Variants in ZNF518B observed in about 807,000 individuals in gnomAD.
The protein encoded by ZNF518B is zinc finger protein 518B.
In ZNF518B, 23 loss-of-function variants were observed where a neutral mutation model predicts 56.3. That is an observed-to-expected ratio of 0.41 (90% CI 0.29 to 0.58). The LOEUF (loss-of-function observed/expected upper bound fraction) is 0.58, where lower values mean the gene tolerates loss of function less well. Among genes scored for constraint, ZNF518B ranks in the 20% least tolerant of loss-of-function variants. ZNF518B has a pLI of 0.32. For synonymous variants in ZNF518B, 529 were observed against 465.9 expected (o/e 1.14, Z -1.74); for missense variants, 1,460 against 1,272.1 (o/e 1.15, Z -2.25).
upstream of ZNF518B, among the ~76,000 whole-genome samples, chr4:10,460,325 C>CAGAAAAAAAAAAA (rs1715707602): frequency 1.7e-5 from 1 of 57,588 alleles, no homozygotes; most frequent in Admixed American, 2.3e-4. Flanking sequence ...AAAAAAAAAC[C>CAGAAAAAAAAAAA]AAAAAAAAAA....
In ZNF518B at chr4:10,446,189, C is replaced by T. The variant is rs777934406; in HGVS notation, c.140G>A (p.Gly47Asp). The change falls in exon 3 of 3, where the codon GGC becomes GAC. Residue 47 changes from glycine (G) to aspartate (D), a missense_variant. Gly to Asp is a moderately conservative substitution (Grantham distance 94). Transcript: ENST00000326756. ...RQEAQTLLYQGSEAEAAMMTI... is the reference protein window; with the variant it reads ...RQEAQTLLYQDSEAEAAMMTI... The stretch of plus-strand genomic sequence containing the variant: ...CATCATGGCAGCCTCTGCCTCTGAG[C>T]CTTGATACAAAAGGGTTTGTGCTTC... The T allele has an allele frequency of 1.9e-6, 3 of 1,614,052 alleles. No individual in the cohort carries two copies. Among genetic ancestry groups the T allele is most frequent in the East Asian group, 2.2e-5 (1 of 44,888 alleles).
Position 10,444,338 on chromosome 4 carries a change from A to G in ZNF518B, c.1991T>C (p.Leu664Pro), listed in dbSNP as rs763363161. The G allele has an allele frequency of 6.2e-7, 1 of 1,614,192 alleles. No individual in the cohort carries two copies. The highest frequency in any genetic ancestry group is 1.7e-5 in the Admixed American group (1 of 60,024). The change falls in exon 3 of 3, where the codon CTG becomes CCG. Residue 664 changes from leucine to proline, a missense_variant. Transcript: ENST00000326756. Reference protein sequence around the residue: ...SSTSKIKSIELLRRKIAQLIE... With the variant: ...SSTSKIKSIEPLRRKIAQLIE... The stretch of plus-strand genomic sequence containing the variant: ...TAACTGAGCTATCTTTCTGCGCAAC[A>G]GTTCAATTGACTTTATTTTAGACGT...
intron 1 of ZNF518B, among the ~76,000 whole-genome samples, chr4:10,456,286 T>A (rs1273819365): frequency 6.6e-6 from 1 of 152,186 alleles, no homozygotes; most frequent in Non-Finnish European, 1.5e-5. Flanking sequence ...ACCCAACTTA[T>A]AAAGACTTAA....
At position 10,443,744 on chromosome 4, in the gene ZNF518B, C is replaced by T. The variant is rs1468552572; in HGVS notation, c.2585G>A (p.Gly862Asp). The T allele has an allele frequency of 6.2e-7, 1 of 1,614,172 alleles. No homozygotes were observed. Among genetic ancestry groups the T allele is most frequent in the South Asian group, 1.1e-5 (1 of 91,076 alleles). The part of the protein sequence containing the change: ...AVCSTIHRKT[G>D]LLYGQQGSSE... Reference sequence around the variant, plus strand: ...GCTTCCTTGCTGTCCATACAAGAGGCCAGTTTTTCTATGGATGGTGCTACA... The same window carrying T: ...GCTTCCTTGCTGTCCATACAAGAGGTCAGTTTTTCTATGGATGGTGCTACA... Residue 862 changes from glycine (G) to aspartate (D), a missense_variant, in exon 3 of 3, where the codon GGC becomes GAC. Gly to Asp is a moderately conservative substitution (Grantham distance 94). Transcript: ENST00000326756.
chr4:10,458,844 C>G (rs1021545523), upstream of ZNF518B, among the ~76,000 whole-genome samples: 1 of 152,136 alleles, frequency 6.6e-6, no homozygotes, highest in Non-Finnish European at 1.5e-5. Flanking sequence ...AGAGCCACAT[C>G]AGGAAAAACT....
intron 2 of ZNF518B, chr4:10,452,539 G>C (rs1025756509): frequency 6.6e-6 from 1 of 152,088 alleles, no homozygotes; most frequent in Non-Finnish European, 1.5e-5. Flanking sequence ...AATTTCCCCA[G>C]TAGGATGATA....
rs762339490 is a variant in ZNF518B, at chr4:10,444,927, T to A, written c.1402A>T (p.Asn468Tyr). Residue 468 changes from asparagine to tyrosine, a missense_variant, in exon 3 of 3, where the codon AAT becomes TAT. By Grantham distance (143) the Asn-to-Tyr change is moderately radical (BLOSUM62 -2). Transcript: ENST00000326756. Reference sequence around the variant, plus strand: ...AAAGCAGTTCTATGTGGATACAAATTATTTTTTTTCTGAAAATCCTCAATT... The same window carrying A: ...AAAGCAGTTCTATGTGGATACAAATAATTTTTTTTCTGAAAATCCTCAATT... ...ETIEDFQKKN[N>Y]LYPHRTAFPS... 1 of 1,611,132 alleles carries A rather than the reference T, an allele frequency of 6.2e-7. No individual in the cohort carries two copies. The highest frequency in any genetic ancestry group is 8.5e-7 in the Non-Finnish European group (1 of 1,179,078).
intron 2 of ZNF518B, chr4:10,452,278 T>A: frequency 6.6e-6 from 1 of 152,172 alleles, no homozygotes; most frequent in African/African-American, 2.4e-5. Context: ...AAGCAAGGAA[T>A]AATGCTTTAC....
Position 10,445,438 on chromosome 4 carries a change from C to G in ZNF518B, c.891G>C (p.Leu297=), listed in dbSNP as rs1248217152. 1 of 1,614,244 alleles carries G rather than the reference C, an allele frequency of 6.2e-7. No homozygotes were observed. The highest frequency in any genetic ancestry group is 8.5e-7 in the Non-Finnish European group (1 of 1,180,040). ...ATAGGTTGACTTCATTTGGCTCAGA[C>G]AGGGTCATTTTATTTGGAATACAAA... The part of the protein sequence containing the change: ...DVVCIPNKMT[L]SEPNEVNLFE... The change falls in exon 3 of 3, where the codon CTG becomes CTC. Residue 297 remains leucine, a synonymous_variant. Coordinates refer to ENST00000326756, the MANE Select transcript of ZNF518B (RefSeq NM_053042.3).
At chr4:10,456,996 G>A (rs1239199876) in intron 1 of ZNF518B, 6 of 149,880 alleles carry the variant, frequency 4.0e-5, no homozygotes, top group Non-Finnish European at 7.4e-5. Flanking sequence ...GGCGCACAAA[G>A]GCGAGCTGGG....
chr4:10,461,336 G>T (rs919714913), upstream of ZNF518B, among the ~76,000 whole-genome samples: 1 of 152,208 alleles, frequency 6.6e-6, no homozygotes, highest in Non-Finnish European at 1.5e-5. Flanking sequence ...GGCCGCCGCG[G>T]CTGCCGCGGA....
chr4:10,459,952 C>T (rs1283782638), upstream of ZNF518B, among the ~76,000 whole-genome samples: 2 of 152,090 alleles, frequency 1.3e-5, no homozygotes, highest in Non-Finnish European at 2.9e-5. Flanking sequence ...AGACATGAAC[C>T]AGTCCTTGAG....
rs763921870 is a variant in ZNF518B, at chr4:10,443,266, G to A, written c.3063C>T (p.Tyr1021=). Residue 1021 remains tyrosine (Y), a synonymous_variant, in exon 3 of 3, where the codon TAC becomes TAT. Transcript: ENST00000326756. ...CATCAGGCAAGGAATCCACTACCTG[G>A]TAGTTGTTTTTATGAACTTTTTTGA... ...MKLKKVHKNN[Y]QVVDSLPDDS... The A allele has an allele frequency of 1.2e-6, 2 of 1,614,092 alleles. No individual in the cohort carries two copies. The highest frequency in any genetic ancestry group is 1.7e-5 in the Admixed American group (1 of 60,010).
At chr4:10,456,322 G>A (rs972252439) in intron 1 of ZNF518B, among the ~76,000 whole-genome samples, 1 of 151,996 alleles carries the variant, frequency 6.6e-6, no homozygotes, top group East Asian at 1.9e-4. Flanking sequence ...CGCTCTTTTG[G>A]CTTTTCCTTT....
At position 10,443,330 on chromosome 4, in the gene ZNF518B, G is replaced by A. The variant is rs1422074763; in HGVS notation, c.2999C>T (p.Ala1000Val). ...CATCATTTGCCTTTTAATTTGACTG[G>A]CTTCTTCCGCATTCTGGTAGGTCAG... ...VRLTYQNAEE[A>V]SQIKRQMMLK... The change falls in exon 3 of 3, where the codon GCC (alanine) becomes GTC (valine). Residue 1000 changes from alanine (A) to valine (V), a missense_variant. Coordinates refer to ENST00000326756, the MANE Select transcript of ZNF518B (RefSeq NM_053042.3). 1 of 1,614,136 alleles carries A rather than the reference G, an allele frequency of 6.2e-7. No homozygotes were observed. The highest frequency in any genetic ancestry group is 1.1e-5 in the South Asian group (1 of 91,088).
Position 10,444,497 on chromosome 4 carries a change from G to T in ZNF518B, c.1832C>A (p.Pro611His). 6.2e-7 allele frequency: 1 copy of T among 1,614,136 alleles called. No homozygotes were observed. Among genetic ancestry groups the T allele is most frequent in the Non-Finnish European group, 8.5e-7 (1 of 1,180,044 alleles). Residue 611 changes from proline to histidine, a missense_variant, in exon 3 of 3, where the codon CCT becomes CAT. Pro to His is a moderately conservative substitution (Grantham distance 77, BLOSUM62 -2). Transcript: ENST00000326756. ...NITGEDRSQQ[P>H]GDKPLELKNS... The stretch of plus-strand genomic sequence containing the variant: ...CTTTAATTCCAAAGGCTTATCCCCA[G>T]GCTGTTGAGATCTATCTTCTCCAGT...
At chr4:10,458,569 G>C (rs1023316373), upstream of ZNF518B, among the ~76,000 whole-genome samples, 1 of 152,208 alleles carries the variant, frequency 6.6e-6, no homozygotes, top group Non-Finnish European at 1.5e-5. Flanking sequence ...GCAGCCCAGA[G>C]AGCAAATCCT....
Position 10,442,987 on chromosome 4 carries a change from G to T in ZNF518B, c.*117C>A. On this transcript the variant is annotated 3_prime_UTR_variant, in exon 3 of 3. Transcript: ENST00000326756. ...TAGCTCCCAATATTCCTACAGTTCTGAAGAATTAGCAGTCCTCTCATTTCT... is the reference window on the plus strand; with the variant it reads ...TAGCTCCCAATATTCCTACAGTTCTTAAGAATTAGCAGTCCTCTCATTTCT... 1 of 907,138 alleles carries T rather than the reference G, an allele frequency of 1.1e-6. No homozygotes were observed. Among genetic ancestry groups the T allele is most frequent in the Non-Finnish European group, 1.6e-6 (1 of 613,448 alleles). 56.2% of individuals were successfully genotyped at this position (907,138 alleles called of 1,614,324 possible).
In ZNF518B at chr4:10,445,127, T is replaced by C. The variant is rs759876706; in HGVS notation, c.1202A>G (p.Glu401Gly). Residue 401 changes from glutamate to glycine, a missense_variant, in exon 3 of 3, where the codon GAA (glutamate) becomes GGA (glycine). Glu to Gly is a moderately conservative substitution (Grantham distance 98). Transcript: ENST00000326756. ...SNEQEKVLSA[E>G]KTKSLTVDGN... is the part of the protein sequence containing the mutation. ...GTCAACTGTCAGTGACTTTGTTTTT[T>C]CTGCAGAAAGTACTTTTTCTTGTTC... 6.2e-7 allele frequency: 1 copy of C among 1,614,196 alleles called. No individual in the cohort carries two copies. Among genetic ancestry groups the C allele is most frequent in the South Asian group, 1.1e-5 (1 of 91,086 alleles).
Sources: allele counts gnomAD v4.1 joint callset (sites outside exome capture counted in the v4.1 genomes callset), GRCh38; gene constraint gnomAD v4.1.1; transcripts MANE v1.5; gene names NCBI Gene and HGNC (gene_info 2026-07-23, HGNC 2026-07-21).